CADM2: variants seen among roughly 807,000 people sequenced by gnomAD.
CADM2 encodes immunoglobulin superfamily member 4D.
In CADM2, 12 loss-of-function variants were observed where a neutral mutation model predicts 49.8. The observed-to-expected ratio is 0.24, with a 90% CI of 0.15 to 0.39. CADM2 has a LOEUF of 0.39. Among genes scored for constraint, CADM2 ranks in the 10% least tolerant of loss-of-function variants. The pLI is 1.00. For synonymous variants in CADM2, 214 were observed against 175.4 expected (o/e 1.22, Z -1.74); for missense variants, 378 against 492.3 (o/e 0.77, Z 2.20).
intron 1 of CADM2, among the ~76,000 whole-genome samples, chr3:85,590,369 T>TTC (rs2063071181): frequency 6.6e-6 from 1 of 151,998 alleles, no homozygotes; most frequent in East Asian, 1.9e-4. Context: ...AAGCGCTTTA[T>TTC]AGTACTTGAC....
chr3:85,227,101 T>C (rs2042179240), intron 1 of CADM2, among the ~76,000 whole-genome samples: 1 of 152,188 alleles, frequency 6.6e-6, no homozygotes, highest in Non-Finnish European at 1.5e-5. Flanking sequence ...GTATATTCTG[T>C]TGATTTGGGG....
At chr3:85,588,267 C>G (rs73843680) in intron 1 of CADM2, among the ~76,000 whole-genome samples, 1 of 151,954 alleles carries the variant, frequency 6.6e-6, no homozygotes, top group East Asian at 1.9e-4. Flanking sequence ...AGATTTTATT[C>G]TAAAATTCTG....
chr3:85,585,307 G>T (rs2107315275), intron 1 of CADM2, among the ~76,000 whole-genome samples: 1 of 151,868 alleles, frequency 6.6e-6, no homozygotes, highest in South Asian at 2.1e-4. Flanking sequence ...AATTATTGAT[G>T]CTGGCAATTC....
intron 6 of CADM2, among the ~76,000 whole-genome samples, chr3:85,917,077 A>T (rs1718445056): frequency 6.6e-6 from 1 of 152,122 alleles, no homozygotes; most frequent in South Asian, 2.1e-4. Context: ...GCCATTTGTC[A>T]GATGAGTAGG....
intron 8 of CADM2, among the ~76,000 whole-genome samples, chr3:85,980,368 A>G (rs1727330276): frequency 1.3e-5 from 2 of 151,466 alleles, no homozygotes; most frequent in Admixed American, 1.3e-4. Context: ...GCCGTCTTTG[A>G]TTTAACAGTT....
intron 1 of CADM2, among the ~76,000 whole-genome samples, chr3:85,021,673 G>A (rs1386450899): frequency 6.6e-6 from 1 of 152,098 alleles, no homozygotes; most frequent in African/African-American, 2.4e-5. Flanking sequence ...TTCTCGAGAG[G>A]CTGAGGCAGG....
Position 85,094,682 on chromosome 3 carries a change from G to A in CADM2, c.61+135014G>A, listed in dbSNP as rs763475209. 7.2e-5 allele frequency among the ~76,000 whole-genome samples: 11 copies of A among 152,088 alleles called. No homozygotes were observed. The East Asian group carries it at 1.3e-3, about 19-fold the overall frequency. On this transcript the variant is annotated intron_variant, in intron 1 of 9. Transcript: ENST00000383699. ...TTGGTCAACAGCTTCATTATGAAACGCATGTTTTGCATGCAATCACTGACT... is the reference window on the plus strand; with the variant it reads ...TTGGTCAACAGCTTCATTATGAAACACATGTTTTGCATGCAATCACTGACT...
intron 1 of CADM2, among the ~76,000 whole-genome samples, chr3:85,505,794 AATTG>A (rs775003178): frequency 2.6e-5 from 4 of 152,164 alleles, no homozygotes; most frequent in Non-Finnish European, 5.9e-5. Flanking sequence ...AGAATGCAGT[AATTG>A]ATTTTCCATC....
rs143708461 is a variant in CADM2 at position 85,659,152 on chromosome 3, G to A, written c.62-67370G>A. 6.6e-3 allele frequency among the ~76,000 whole-genome samples: 998 copies of A among 151,460 alleles called. 18 individuals are homozygous for A. The highest frequency in any genetic ancestry group is 0.023 in the African/African-American group (961 of 41,372). The stretch of plus-strand genomic sequence containing the variant: ...TTAGTCCAAGCACCGTGGAGGATAT[G>A]GTTCTTTGGTTTTCCTGTCTGTGTC... On this transcript the variant is annotated intron_variant, in intron 1 of 9. Transcript: ENST00000383699.
chr3:85,308,630 C>A (rs1409188626), intron 1 of CADM2, among the ~76,000 whole-genome samples: 3 of 151,938 alleles, frequency 2.0e-5, no homozygotes, highest in Non-Finnish European at 4.4e-5. Context: ...TATCCCAATA[C>A]CACCTGTGGA....
chr3:85,377,995 T>C (rs774082095), intron 1 of CADM2, among the ~76,000 whole-genome samples: 1 of 152,050 alleles, frequency 6.6e-6, no homozygotes, highest in Non-Finnish European at 1.5e-5. Flanking sequence ...TCTAAATGAA[T>C]AGTATGGTAA....
intron 1 of CADM2, among the ~76,000 whole-genome samples, chr3:85,105,434 A>T (rs898619959): frequency 1.6e-4 from 24 of 152,178 alleles, no homozygotes; most frequent in African/African-American, 5.8e-4. Context: ...ATCATTAAAA[A>T]GTCAGGAAAC....
At chr3:85,794,379 T>C (rs1043578243) in intron 2 of CADM2, among the ~76,000 whole-genome samples, 4 of 152,162 alleles carry the variant, frequency 2.6e-5, no homozygotes, top group African/African-American at 7.2e-5. Flanking sequence ...AGCTTCTATT[T>C]ACTATCCAAT....
At position 85,603,741 on chromosome 3, in the gene CADM2, T is replaced by C. The variant is rs183437796; in HGVS notation, c.62-122781T>C. 2.0e-3 allele frequency among the ~76,000 whole-genome samples: 303 copies of C among 152,074 alleles called. 1 individual carries two copies. Among genetic ancestry groups the C allele is most frequent in the African/African-American group, 7.1e-3 (297 of 41,554 alleles). ...GAATTTCAAGCCGTATACTTAAATA[T>C]ATAATTTAAAAGTTCTCTGCATATT... On this transcript the variant is annotated intron_variant, in intron 1 of 9. Coordinates refer to ENST00000383699, the MANE Select transcript of CADM2 (RefSeq NM_001167675.2).
At chr3:85,464,588 A>G (rs1313434846) in intron 1 of CADM2, among the ~76,000 whole-genome samples, 1 of 152,120 alleles carries the variant, frequency 6.6e-6, no homozygotes, top group Non-Finnish European at 1.5e-5. Flanking sequence ...TTCTTGCCCC[A>G]TTTTAGGCAG....
intron 5 of CADM2, among the ~76,000 whole-genome samples, chr3:85,908,449 A>G (rs1231436742): frequency 1.3e-5 from 2 of 151,756 alleles, no homozygotes; most frequent in African/African-American, 4.8e-5. Flanking sequence ...TAAATAATAT[A>G]AAAACTAATA....
chr3:85,431,594 G>A (rs1649515492), intron 1 of CADM2, among the ~76,000 whole-genome samples: 1 of 151,658 alleles, frequency 6.6e-6, no homozygotes, highest in East Asian at 2.0e-4. Context: ...TGATAGAGTG[G>A]TTGAAATAAA....
chr3:85,035,196 C>G (rs761487335), intron 1 of CADM2, among the ~76,000 whole-genome samples: 1 of 152,066 alleles, frequency 6.6e-6, no homozygotes. Flanking sequence ...TTTTCGTCTA[C>G]CTGTTTGCCA....
intron 1 of CADM2, among the ~76,000 whole-genome samples, chr3:85,501,924 C>G (rs12492923): frequency 0.08 from 12,235 of 152,056 alleles, 953 homozygotes; most frequent in African/African-American, 0.18. Flanking sequence ...CAGTCTATCT[C>G]TAAGGTAGTA....
Sources: allele counts gnomAD v4.1 joint callset (sites outside exome capture counted in the v4.1 genomes callset), GRCh38; gene constraint gnomAD v4.1.1; transcripts MANE v1.5; gene names NCBI Gene and HGNC (gene_info 2026-07-23, HGNC 2026-07-21).